The following PHIP variants were observed in gnomAD, a reference collection of about 807,000 sequenced individuals.
PHIP encodes the protein PH-interacting protein.
A neutral mutation model predicts 236.8 loss-of-function variants in PHIP; 54 were observed. The observed-to-expected ratio is 0.23, with a 90% CI of 0.18 to 0.29. PHIP has a LOEUF of 0.29. Ranked by LOEUF, PHIP falls within the 10% of genes least tolerant of loss-of-function variation. The pLI is 1.00. For missense variants in PHIP, 1,370 were observed against 2,190.8 expected (o/e 0.63, Z 7.48); for synonymous variants, 756 against 718.9 (o/e 1.05, Z -0.83).
At chr6:78,993,240 A>G (rs1405269019) in intron 19 of PHIP, among the ~76,000 whole-genome samples, 1 of 152,212 alleles carries the variant, frequency 6.6e-6, no homozygotes, top group African/African-American at 2.4e-5. Flanking sequence ...GAGGCCTAAG[A>G]ACTACCTGTG....
Position 78,966,043 on chromosome 6 carries a change from C to A in PHIP, c.3219G>T (p.Arg1073Ser). Residue 1073 changes from arginine to serine, a missense_variant, in exon 28 of 40, where the codon AGG becomes AGT. Transcript: ENST00000275034. ...YRRWNIGDRF[R>S]SVIDDAWWFG... ...ACCACCAGGCATCATCTATGACAGA[C>A]CTGAAGCGGTCACCTGGCCAAGAAC... 1.2e-6 allele frequency: 2 copies of A among 1,612,142 alleles called. No homozygotes were observed. The highest frequency in any genetic ancestry group is 1.7e-6 in the Non-Finnish European group (2 of 1,178,318).
rs1349442339 is a variant in PHIP, at chr6:78,938,170, C to T, written c.*2523G>A. On this transcript the variant is annotated 3_prime_UTR_variant, in exon 40 of 40. Coordinates refer to ENST00000275034, the MANE Select transcript of PHIP (RefSeq NM_017934.7). Reference sequence around the variant, plus strand: ...ATAAAATCTAAATATATTGGTATTACTAATACATGTTTAAGTGTTTCGGTT... The same window carrying T: ...ATAAAATCTAAATATATTGGTATTATTAATACATGTTTAAGTGTTTCGGTT... 1.3e-5 allele frequency: 2 copies of T among 151,616 alleles called. No homozygotes were observed. The highest frequency in any genetic ancestry group is 3.0e-5 in the Non-Finnish European group (2 of 67,624). 9.4% of individuals were successfully genotyped at this position (151,616 alleles called of 1,614,324 possible).
intron 19 of PHIP, among the ~76,000 whole-genome samples, chr6:78,994,055 G>A (rs558922486): frequency 1.2e-4 from 18 of 152,276 alleles, no homozygotes; most frequent in East Asian, 1.9e-4. Flanking sequence ...AGATGATTCC[G>A]AAGGCTGAAG....
At chr6:78,950,386 T>G (rs1181520017) in intron 35 of PHIP, among the ~76,000 whole-genome samples, 2 of 152,178 alleles carry the variant, frequency 1.3e-5, no homozygotes, top group East Asian at 3.8e-4. Flanking sequence ...GAATTTTGAG[T>G]TTTTCTATCT....
chr6:78,961,734 C>T lies in PHIP; in HGVS notation c.3612G>A (p.Thr1204=). Residue 1204 remains threonine, a synonymous_variant, in exon 31 of 40, where the codon ACG becomes ACA. Coordinates refer to ENST00000275034, the MANE Select transcript of PHIP (RefSeq NM_017934.7). ...PMYCTVVAYP[T]DLSTIKQRLE... ...GTCTTTGTTTAATTGTACTTAGATC[C>T]GTTGGATATGCCACTACTGTGCAAT... is the stretch of plus-strand genomic sequence containing the variant. The T allele has an allele frequency of 6.2e-7, 1 of 1,612,296 alleles. No individual in the cohort carries two copies. The highest frequency in any genetic ancestry group is 8.5e-7 in the Non-Finnish European group (1 of 1,178,718).
intron 25 of PHIP, 84 bp from the exon 26 acceptor site, chr6:78,970,257 C>T: frequency 8.2e-7 from 1 of 1,218,368 alleles, no homozygotes; most frequent in Non-Finnish European, 1.2e-6. Context: ...GAAAAAACTT[C>T]TTGGTTTAAA....
chr6:79,065,214 C>T (rs932458122), intron 4 of PHIP, among the ~76,000 whole-genome samples: 2 of 152,208 alleles, frequency 1.3e-5, no homozygotes, highest in Non-Finnish European at 2.9e-5. Flanking sequence ...CAAATCTATT[C>T]TCTATACTGC....
At chr6:78,994,645 A>C (rs1769496236) in intron 19 of PHIP, among the ~76,000 whole-genome samples, 1 of 152,208 alleles carries the variant, frequency 6.6e-6, no homozygotes, top group Admixed American at 6.5e-5. Context: ...GACTGACCCC[A>C]GTTTTGAAAT....
At chr6:78,974,716 A>T (rs1767912815) in intron 24 of PHIP, among the ~76,000 whole-genome samples, 1 of 152,198 alleles carries the variant, frequency 6.6e-6, no homozygotes, top group African/African-American at 2.4e-5. Context: ...ACAGAAATAC[A>T]AACTACCATC....
chr6:79,071,429 A>G (rs958091246), intron 4 of PHIP, among the ~76,000 whole-genome samples: 5 of 152,230 alleles, frequency 3.3e-5, no homozygotes, highest in East Asian at 3.8e-4. Flanking sequence ...CAATTTCCTC[A>G]TAATTTCATT....
chr6:79,064,216 C>T (rs1773514633), intron 4 of PHIP, among the ~76,000 whole-genome samples: 1 of 152,120 alleles, frequency 6.6e-6, no homozygotes, highest in African/African-American at 2.4e-5. Context: ...AATTAGACCT[C>T]CACATTCTAG....
chr6:79,042,249 C>T (rs1285242430), intron 7 of PHIP, among the ~76,000 whole-genome samples: 1 of 151,908 alleles, frequency 6.6e-6, no homozygotes, highest in African/African-American at 2.4e-5. Flanking sequence ...CTCTATTCAA[C>T]AGGTTACAAG....
Position 79,041,236 on chromosome 6 carries a change from G to A in PHIP, c.600+1607C>T, listed in dbSNP as rs569796623. On this transcript the variant is annotated intron_variant, in intron 7 of 39. Coordinates refer to ENST00000275034, the MANE Select transcript of PHIP (RefSeq NM_017934.7). ...CATTTATAAGAACAAGTGACAAACT[G>A]GGTTTGAGACGCAGGCAGCAGCATG... Among the ~76,000 whole-genome samples the A allele has an allele frequency of 5.3e-5, 8 of 152,202 alleles. No homozygotes were observed. The South Asian group carries it at 1.7e-3, about 32-fold the overall frequency.
intron 9 of PHIP, among the ~76,000 whole-genome samples, chr6:79,022,619 T>C (rs1039982418): frequency 2.6e-5 from 4 of 152,166 alleles, no homozygotes; most frequent in African/African-American, 9.7e-5. Flanking sequence ...CAAATAAAAA[T>C]TTGTAATCAT....
chr6:78,952,388 C>T (rs1467016042), intron 35 of PHIP, among the ~76,000 whole-genome samples: 1 of 142,464 alleles, frequency 7.0e-6, no homozygotes, highest in Non-Finnish European at 1.5e-5. Context: ...CACTGCACTC[C>T]AGCCTGGAGA....
Position 79,015,682 on chromosome 6 carries a change from A to C in PHIP, c.1337T>G (p.Met446Arg). ...DNTVITAVNN[M>R]TLKVWNSYTG... ...GTAAGAATTCCAAACTTTCAGAGTC[A>C]TGTTATTAACTGCAGTTATAACTGT... The change falls in exon 14 of 40, where the codon ATG (methionine) becomes AGG (arginine). Residue 446 changes from methionine to arginine, a missense_variant. By Grantham distance (91) the Met-to-Arg change is moderately conservative. Coordinates refer to ENST00000275034, the MANE Select transcript of PHIP (RefSeq NM_017934.7). 1 of 1,608,920 alleles carries C rather than the reference A, an allele frequency of 6.2e-7. No homozygotes were observed. Among genetic ancestry groups the C allele is most frequent in the South Asian group, 1.1e-5 (1 of 90,836 alleles).
chr6:78,963,099 A>G lies in PHIP; in HGVS notation c.3533T>C (p.Leu1178Pro). The change falls in exon 30 of 40, where the codon CTA becomes CCA. Residue 1178 changes from leucine to proline, a missense_variant and splice_region_variant. Around this residue, in one of 14 missense-constraint regions of PHIP, gnomAD observed 238 missense variants for 398.5 expected, o/e 0.60. Coordinates refer to ENST00000275034, the MANE Select transcript of PHIP (RefSeq NM_017934.7). ...IVAGINQLMT[L>P]DIASAFVAPV... is the part of the protein sequence containing the mutation. ...TACTCGCGTGTTGCTTTACTTACCT[A>G]GTGTCATCAACTGGTTTATTCCTGC... 1 of 1,591,736 alleles carries G rather than the reference A, an allele frequency of 6.3e-7. No individual in the cohort carries two copies. Among genetic ancestry groups the G allele is most frequent in the Non-Finnish European group, 8.5e-7 (1 of 1,171,206 alleles).
At chr6:79,053,061 T>C (rs1772877318) in intron 6 of PHIP, among the ~76,000 whole-genome samples, 1 of 152,204 alleles carries the variant, frequency 6.6e-6, no homozygotes, top group Non-Finnish European at 1.5e-5. Context: ...CTCACACCTG[T>C]AATCCTAGCA....
intron 15 of PHIP, chr6:79,004,500 A>C: frequency 1.5e-6 from 1 of 669,544 alleles, no homozygotes; most frequent in Non-Finnish European, 1.8e-6. Context: ...GCTTCTTCAG[A>C]CTATGTTCCA....
Sources: allele counts gnomAD v4.1 joint callset (sites outside exome capture counted in the v4.1 genomes callset), GRCh38; gene constraint gnomAD v4.1.1; regional missense constraint gnomAD v4.1.1; transcripts MANE v1.5; gene names NCBI Gene and HGNC (gene_info 2026-07-23, HGNC 2026-07-21).